Variants in CFAP69 observed in about 807,000 individuals in gnomAD.
CFAP69 encodes cilia- and flagella-associated protein 69.
Under a neutral mutation model 123.0 loss-of-function variants are expected in CFAP69, and 92 were observed. The observed-to-expected ratio is 0.75, with a 90% CI of 0.63 to 0.89. The LOEUF (loss-of-function observed/expected upper bound fraction) is 0.89. Among genes scored for constraint, CFAP69 ranks in the 40% least tolerant of loss-of-function variants. The pLI is 0.00. For synonymous variants in CFAP69, 380 were observed against 364.3 expected (o/e 1.04, Z -0.49); for missense variants, 1,067 against 1,096.9 (o/e 0.97, Z 0.39).
chr7:90,252,005 C>T (rs894314595), intron 1 of CFAP69: 1 of 146,102 alleles, frequency 6.8e-6, no homozygotes, highest in African/African-American at 2.6e-5. Context: ...CCACTGCTTC[C>T]CTTGATTAGC....
rs1350826019 is a variant in CFAP69 at position 90,255,441 on chromosome 7, G to GACCTT, written c.141_145dup (p.Asn49ThrfsTer38). ...TTTTTAGGATGTTTTCAAGCCTATG[G>GACCTT]ACCTTAATCGTGTCATCAAACTCCT... On this transcript the variant is annotated frameshift_variant, in exon 2 of 23. Transcript: ENST00000389297. LOFTEE classifies it high-confidence loss of function. 1 of 1,612,610 alleles carries GACCTT rather than the reference G, an allele frequency of 6.2e-7. No individual in the cohort carries two copies. The highest frequency in any genetic ancestry group is 8.5e-7 in the Non-Finnish European group (1 of 1,179,306).
At position 90,297,798 on chromosome 7, in the gene CFAP69, G is replaced by C; in HGVS notation, c.1825G>C (p.Glu609Gln). 1 of 1,574,142 alleles carries C rather than the reference G, an allele frequency of 6.4e-7. No individual in the cohort carries two copies. The highest frequency in any genetic ancestry group is 8.6e-7 in the Non-Finnish European group (1 of 1,167,984). ...CTCAGAGGATTATTTTCTTGAAAAG[G>C]AAGGCATTTTTCTCCTTTTGGATTT... is the stretch of plus-strand genomic sequence containing the variant. ...YPSEDYFLEK[E>Q]GIFLLLDLLA... The change falls in exon 16 of 23, where the codon GAA becomes CAA. Residue 609 changes from glutamate (E) to glutamine (Q), a missense_variant. By Grantham distance (29) the Glu-to-Gln change is conservative. Transcript: ENST00000389297.
chr7:90,285,072 A>G lies in CFAP69; in HGVS notation c.1538-1209A>G, dbSNP rs534471118. Among the ~76,000 whole-genome samples the G allele has an allele frequency of 1.2e-4, 19 of 152,312 alleles. 1 individual carries two copies. In the South Asian group the frequency reaches 3.9e-3, roughly 32 times the overall value. ...TACTATGTGTTACAGGCAGCAGGGA[A>G]AGTTTCTGCCTGCACCCAGGTAGGA... is the stretch of plus-strand genomic sequence containing the variant. On this transcript the variant is annotated intron_variant, in intron 13 of 22. Coordinates refer to ENST00000389297, the MANE Select transcript of CFAP69 (RefSeq NM_001039706.3).
intron 3 of CFAP69, among the ~76,000 whole-genome samples, chr7:90,260,919 C>T (rs1562848782): frequency 6.6e-6 from 1 of 152,060 alleles, no homozygotes. Flanking sequence ...AGGAAGTTAA[C>T]AGAGCTTTCT....
At chr7:90,299,218 A>G (rs1366186967) in intron 16 of CFAP69, among the ~76,000 whole-genome samples, 1 of 152,186 alleles carries the variant, frequency 6.6e-6, no homozygotes, top group Non-Finnish European at 1.5e-5. Flanking sequence ...CACATAGAAG[A>G]ATTAGATTAT....
At chr7:90,323,718 G>A in the CFAP69 span, among the ~76,000 whole-genome samples, 1 of 152,246 alleles carries the variant, frequency 6.6e-6, no homozygotes, top group African/African-American at 2.4e-5. Context: ...AAGGAAGGAA[G>A]ATGTGGTTGG....
At chr7:90,250,293 T>A (rs1796857810) in intron 1 of CFAP69, among the ~76,000 whole-genome samples, 1 of 149,612 alleles carries the variant, frequency 6.7e-6, no homozygotes, top group African/African-American at 2.5e-5. Context: ...GAACCAGAGT[T>A]TCTACATTAG....
At position 90,307,129 on chromosome 7, in the gene CFAP69, T is replaced by A. The variant is rs1369113545; in HGVS notation, c.2463+31T>A. ...CTACATAGGTAGTGAGGAGGGAGAA[T>A]GAAGATAGGTTGGTTAATGGGCACA... On this transcript the variant is annotated intron_variant, in intron 20 of 22. Transcript: ENST00000389297. 24 of 1,568,282 alleles carry A rather than the reference T, an allele frequency of 1.5e-5. No homozygotes were observed. The East Asian group carries it at 5.2e-4, about 34-fold the overall frequency.
chr7:90,305,634 C>T (rs1406350589), intron 19 of CFAP69, among the ~76,000 whole-genome samples: 2 of 151,692 alleles, frequency 1.3e-5, no homozygotes, highest in African/African-American at 2.4e-5. Context: ...GGGTGGATCA[C>T]CCAAGGTCAG....
intron 13 of CFAP69, among the ~76,000 whole-genome samples, chr7:90,283,746 C>T (rs762289434): frequency 4.6e-5 from 7 of 151,992 alleles, no homozygotes; most frequent in Non-Finnish European, 8.8e-5. Context: ...TTCAGTCGTT[C>T]GTATTCAGTG....
At position 90,311,015 on chromosome 7, in the gene CFAP69, A is replaced by C. The variant is rs1794279618; in HGVS notation, c.*777A>C. 1.3e-5 allele frequency: 2 copies of C among 152,180 alleles called. No homozygotes were observed. The highest frequency in any genetic ancestry group is 4.8e-5 in the African/African-American group (2 of 41,432). The allele number at this position is 152,180 out of a possible 1,614,324, so 9.4% of individuals were successfully genotyped here. ...GCCAAATGGTAAAAAAGAAAAAAAA[A>C]TGCAGCTGGTTTTACTCTTAATATA... is the stretch of plus-strand genomic sequence containing the variant. On this transcript the variant is annotated 3_prime_UTR_variant, in exon 23 of 23. Transcript: ENST00000389297.
intron 1 of CFAP69, among the ~76,000 whole-genome samples, chr7:90,249,052 G>A (rs1796657058): frequency 6.6e-6 from 1 of 152,136 alleles, no homozygotes; most frequent in Admixed American, 6.5e-5. Context: ...AATAAATTCA[G>A]ATGATATTTA....
chr7:90,246,640 T>C (rs1332532692), intron 1 of CFAP69, among the ~76,000 whole-genome samples: 15 of 152,176 alleles, frequency 9.9e-5, no homozygotes, highest in Admixed American at 9.2e-4. Flanking sequence ...GGGGAGAATT[T>C]TGAGGAACAA....
At chr7:90,267,613 G>T (rs1386997600) in intron 5 of CFAP69, among the ~76,000 whole-genome samples, 1 of 152,152 alleles carries the variant, frequency 6.6e-6, no homozygotes, top group Non-Finnish European at 1.5e-5. Context: ...CATGCAGACA[G>T]CTTGAACATA....
At chr7:90,288,435 GTTTCC>G in intron 15 of CFAP69, 83 bp downstream of exon 15, 2 of 1,465,906 alleles carry the variant, frequency 1.4e-6, no homozygotes, top group Non-Finnish European at 1.9e-6. Context: ...TCTGAGAAAT[GTTTCC>G]TTAGGCAATT....
intron 15 of CFAP69, among the ~76,000 whole-genome samples, chr7:90,297,393 ATTTTT>A (rs1301559708): frequency 1.3e-5 from 2 of 152,142 alleles, no homozygotes; most frequent in Admixed American, 6.5e-5. Flanking sequence ...TTAGAATTTT[ATTTTT>A]GGTTTACAGC....
intron 16 of CFAP69, among the ~76,000 whole-genome samples, chr7:90,298,086 G>T (rs1792263033): frequency 6.6e-6 from 1 of 152,136 alleles, no homozygotes. Context: ...CAAAGAATTT[G>T]TTTTTCTTTG....
In CFAP69 at chr7:90,300,036, G is replaced by A. The variant is rs202225350; in HGVS notation, c.2027G>A (p.Arg676His). The stretch of plus-strand genomic sequence containing the variant: ...GAGGAAAAAGAACTAGGAGTAAAAC[G>A]TGATAAAAATGGGAAGATCATTGGT... ...RKEEKELGVK[R>H]DKNGKIIDTK... Residue 676 changes from arginine (R) to histidine (H), a missense_variant, in exon 17 of 23, where the codon CGT (arginine) becomes CAT (histidine). Arg to His is a conservative substitution (Grantham distance 29). Coordinates refer to ENST00000389297, the MANE Select transcript of CFAP69 (RefSeq NM_001039706.3). 8.8e-5 allele frequency: 140 copies of A among 1,594,582 alleles called. No individual in the cohort carries two copies. Among genetic ancestry groups the A allele is most frequent in the South Asian group, 4.6e-5 (4 of 87,180 alleles).
chr7:90,281,239 C>T (rs1789438757), intron 12 of CFAP69, among the ~76,000 whole-genome samples: 1 of 152,000 alleles, frequency 6.6e-6, no homozygotes, highest in Non-Finnish European at 1.5e-5. Flanking sequence ...AAAAATTTAA[C>T]CCAGGTTCTA....
Sources: allele counts gnomAD v4.1 joint callset (sites outside exome capture counted in the v4.1 genomes callset), GRCh38; gene constraint gnomAD v4.1.1; transcripts MANE v1.5; gene names NCBI Gene and HGNC (gene_info 2026-07-23, HGNC 2026-07-21).